GALNT7: variants seen among roughly 807,000 people sequenced by gnomAD.
GALNT7 encodes N-acetylgalactosaminyltransferase 7.
GALNT7 carries 60 observed loss-of-function variants against 82.1 expected under a neutral mutation model. That is an observed-to-expected ratio of 0.73 (90% CI 0.59 to 0.91). The LOEUF (loss-of-function observed/expected upper bound fraction) is 0.91. Ranked by LOEUF, GALNT7 falls within the 40% of genes least tolerant of loss-of-function variation. The pLI is 0.00. For synonymous variants in GALNT7, 243 were observed against 275.1 expected, an observed-to-expected ratio of 0.88 and a Z score of 1.15; for missense variants, 660 against 804.2, an observed-to-expected ratio of 0.82 and a Z score of 2.17.
chr4:173,307,947 C>T (rs111233618), intron 8 of GALNT7, among the ~76,000 whole-genome samples: 2,103 of 152,314 alleles, frequency 0.014, 59 homozygotes, highest in African/African-American at 0.048. Flanking sequence ...TGTCGTTTAC[C>T]TCAGTGGCAA....
intron 8 of GALNT7, among the ~76,000 whole-genome samples, chr4:173,305,138 A>G (rs1737102433): frequency 6.6e-6 from 1 of 152,094 alleles, no homozygotes; most frequent in Admixed American, 6.5e-5. Flanking sequence ...CATTCCCACC[A>G]ACAGGTGGGA....
chr4:173,215,155 G>A (rs969538040), intron 1 of GALNT7, among the ~76,000 whole-genome samples: 1 of 151,836 alleles, frequency 6.6e-6, no homozygotes, highest in Non-Finnish European at 1.5e-5. Flanking sequence ...AAGAAAGTTA[G>A]TTGAAAGAAC....
intron 1 of GALNT7, among the ~76,000 whole-genome samples, chr4:173,215,086 A>G (rs149349532): frequency 1.9e-4 from 29 of 152,272 alleles, no homozygotes; most frequent in Middle Eastern, 3.4e-3. Flanking sequence ...AGCAAATGCT[A>G]TGACTTTTAT....
At chr4:173,244,004 C>T (rs542530123) in intron 1 of GALNT7, among the ~76,000 whole-genome samples, 7 of 152,228 alleles carry the variant, frequency 4.6e-5, no homozygotes, top group South Asian at 2.1e-4. Flanking sequence ...TGCAGTGGTG[C>T]GTACGATGGA....
In GALNT7 at chr4:173,302,061, C is replaced by G; in HGVS notation, c.1163C>G (p.Ala388Gly). ...CTTTTTCTTAGGTCCCCAGCCATGG[C>G]TGGGGGATTATTTGCCATTGAACGA... Reference protein sequence around the residue: ...KTEPYRSPAMAGGLFAIEREF... With the variant: ...KTEPYRSPAMGGGLFAIEREF... The change falls in exon 7 of 12, where the codon GCT (alanine) becomes GGT (glycine). Residue 388 changes from alanine (A) to glycine (G), a missense_variant. Coordinates refer to ENST00000265000, the MANE Select transcript of GALNT7 (RefSeq NM_017423.3). This position sits in a 1 kb window ranked among gnomAD's most constrained non-coding sequence, Gnocchi z 4.2. 1 of 1,556,374 alleles carries G rather than the reference C, an allele frequency of 6.4e-7. No individual in the cohort carries two copies. Among genetic ancestry groups the G allele is most frequent in the Non-Finnish European group, 8.9e-7 (1 of 1,127,470 alleles).
chr4:173,244,272 T>C (rs977768905), intron 1 of GALNT7, among the ~76,000 whole-genome samples: 4 of 152,208 alleles, frequency 2.6e-5, no homozygotes, highest in Non-Finnish European at 5.9e-5. Context: ...CTCTCATGGA[T>C]AGTGCTGAAG....
Position 173,302,966 on chromosome 4 carries a change from A to T in GALNT7, c.1266+802A>T, listed in dbSNP as rs1326464643. ...AAACCCATCACTTTGGGAGGCCAAC[A>T]TGGGCGGATCATGAGGTCAAGAGAT... On this transcript the variant is annotated intron_variant, in intron 7 of 11. Coordinates refer to ENST00000265000, the MANE Select transcript of GALNT7 (RefSeq NM_017423.3). This position sits in a 1 kb window ranked among gnomAD's most constrained non-coding sequence, Gnocchi z 4.2. Among the ~76,000 whole-genome samples the T allele has an allele frequency of 6.6e-6, 1 of 152,232 alleles. No individual in the cohort carries two copies. Among genetic ancestry groups the T allele is most frequent in the Non-Finnish European group, 1.5e-5 (1 of 68,028 alleles).
chr4:173,225,018 AAATAAT>A (rs70944438), intron 1 of GALNT7, among the ~76,000 whole-genome samples: 95,963 of 144,374 alleles, frequency 0.66, 33,041 homozygotes, highest in East Asian at 0.88. Context: ...CTGTCTCAAA[AAATAAT>A]AATAATAATA....
intron 1 of GALNT7, among the ~76,000 whole-genome samples, chr4:173,215,481 C>T (rs1485014670): frequency 6.6e-6 from 1 of 152,032 alleles, no homozygotes; most frequent in African/African-American, 2.4e-5. Flanking sequence ...TCCGCTGCCT[C>T]GGCCTTTCGA....
Position 173,248,312 on chromosome 4 carries a change from C to T in GALNT7, c.459C>T (p.Ala153=). 1 of 1,613,806 alleles carries T rather than the reference C, an allele frequency of 6.2e-7. No homozygotes were observed. Among genetic ancestry groups the T allele is most frequent in the Non-Finnish European group, 8.5e-7 (1 of 1,179,782 alleles). ...TGGTTGGTGGCCCTGGAGAGAAAGC[C>T]AAGCCATTGGTTTTGGGACCAGAAT... ...PGVVGGPGEK[A]KPLVLGPEFK... Residue 153 remains alanine, a synonymous_variant, in exon 2 of 12, where the codon GCC becomes GCT. Transcript: ENST00000265000.
chr4:173,247,982 A>G lies in GALNT7; in HGVS notation c.129A>G (p.Glu43=), dbSNP rs1347330788. 1 of 1,604,402 alleles carries G rather than the reference A, an allele frequency of 6.2e-7. No individual in the cohort carries two copies. Among genetic ancestry groups the G allele is most frequent in the African/African-American group, 1.3e-5 (1 of 74,602 alleles). The change falls in exon 2 of 12, where the codon GAA becomes GAG. Residue 43 remains glutamate (E), a splice_region_variant and synonymous_variant. Coordinates refer to ENST00000265000, the MANE Select transcript of GALNT7 (RefSeq NM_017423.3). ...TATATCCCCTCCCTTTTGTATAGGA[A>G]GACAGAGATGTCAATGACCCCATGC... ...DDPSPLSRMR[E]DRDVNDPMPN...
At chr4:173,212,360 G>A (rs554356396) in intron 1 of GALNT7, among the ~76,000 whole-genome samples, 15 of 152,136 alleles carry the variant, frequency 9.9e-5, no homozygotes, top group Non-Finnish European at 1.9e-4. Context: ...ATAAAATAAT[G>A]ATATCCATAA....
chr4:173,270,271 A>G (rs574773121), intron 2 of GALNT7, among the ~76,000 whole-genome samples: 2 of 152,326 alleles, frequency 1.3e-5, no homozygotes, highest in South Asian at 4.1e-4. Flanking sequence ...GAATAAAGAT[A>G]TAGCAGATTG....
chr4:173,321,359 G>A (rs1737807463), intron 11 of GALNT7, among the ~76,000 whole-genome samples: 1 of 152,140 alleles, frequency 6.6e-6, no homozygotes, highest in African/African-American at 2.4e-5. Context: ...GATACCAGCA[G>A]TATATTGTGA....
intron 1 of GALNT7, among the ~76,000 whole-genome samples, chr4:173,187,452 A>G (rs950100962): frequency 2.0e-5 from 3 of 151,716 alleles, no homozygotes; most frequent in Non-Finnish European, 2.9e-5. Flanking sequence ...CATTTGCAAA[A>G]TTTTTTCACC....
intron 9 of GALNT7, chr4:173,317,384 T>C (rs1737642731): frequency 6.7e-6 from 2 of 298,774 alleles, no homozygotes; most frequent in Non-Finnish European, 1.3e-5. Context: ...TTTTTTTTTC[T>C]CTGTGGTATT....
chr4:173,314,058 A>C lies in GALNT7; in HGVS notation c.1490A>C (p.Glu497Ala), dbSNP rs549809922. Reference protein sequence around the residue: ...SQALPYGDISELKKFREDHNC... With the variant: ...SQALPYGDISALKKFREDHNC... ...GCATTACCATATGGGGATATATCGG[A>C]GCTGAAAAAATTTCGAGAAGATCAC... Residue 497 changes from glutamate (E) to alanine (A), a missense_variant, in exon 9 of 12, where the codon GAG (glutamate) becomes GCG (alanine). Physicochemically the swap from Glu to Ala is moderately radical, Grantham distance 107. This residue lies in a region of GALNT7 where 527 missense variants were observed against 683.5 expected (regional missense o/e 0.77). Transcript: ENST00000265000. 6.2e-7 allele frequency: 1 copy of C among 1,611,896 alleles called. No individual in the cohort carries two copies. The highest frequency in any genetic ancestry group is 1.3e-5 in the African/African-American group (1 of 74,942).
chr4:173,234,692 T>G (rs1734155264), intron 1 of GALNT7, among the ~76,000 whole-genome samples: 1 of 152,212 alleles, frequency 6.6e-6, no homozygotes, highest in Non-Finnish European at 1.5e-5. Flanking sequence ...TGAGGCCTAA[T>G]GGGAAGTGAT....
chr4:173,246,381 CA>C (rs1377805338), intron 1 of GALNT7, among the ~76,000 whole-genome samples: 1 of 151,704 alleles, frequency 6.6e-6, no homozygotes, highest in Non-Finnish European at 1.5e-5. Context: ...GTCCCATCTT[CA>C]AAAAAAATTA....
Sources: allele counts gnomAD v4.1 joint callset (sites outside exome capture counted in the v4.1 genomes callset), GRCh38; gene constraint gnomAD v4.1.1; regional missense constraint gnomAD v4.1.1; non-coding constraint Gnocchi (gnomAD v3.1); transcripts MANE v1.5; gene names NCBI Gene and HGNC (gene_info 2026-07-23, HGNC 2026-07-21).